Variants in MYT1L observed in about 807,000 individuals in gnomAD.
The protein encoded by MYT1L is myelin transcription factor 1-like protein.
A neutral mutation model predicts 126.7 loss-of-function variants in MYT1L; 12 were observed. That is an observed-to-expected ratio of 0.09 (90% CI 0.06 to 0.15). The LOEUF (loss-of-function observed/expected upper bound fraction) is 0.15, where lower values mean the gene tolerates loss of function less well. MYT1L is among the 10% of genes least tolerant of loss of function. The probability of loss-of-function intolerance (pLI) is 1.00; values close to 1 mark genes in which losing one functional copy is unlikely to be tolerated. For missense variants in MYT1L, 979 were observed against 1,585.2 expected, an observed-to-expected ratio of 0.62 and a Z score of 6.49; for synonymous variants, 541 against 604.2, an observed-to-expected ratio of 0.90 and a Z score of 1.53.
chr2:1,954,175 C>T (rs1284974626), intron 8 of MYT1L, among the ~76,000 whole-genome samples: 12 of 152,162 alleles, frequency 7.9e-5, no homozygotes, highest in Non-Finnish European at 8.8e-5. Context: ...CAGAGCTAGA[C>T]GTTCCACCCT....
chr2:2,071,410 G>A (rs773730136), intron 3 of MYT1L, among the ~76,000 whole-genome samples: 27 of 152,176 alleles, frequency 1.8e-4, no homozygotes, highest in Non-Finnish European at 3.2e-4. Flanking sequence ...GAAACAAAAT[G>A]TGACTCTGTA....
intron 19 of MYT1L, 61 bp from the exon 20 acceptor site, chr2:1,840,904 CTT>C (rs1224216473): frequency 0.014 from 10,185 of 736,558 alleles, no homozygotes; most frequent in Middle Eastern, 0.018. Flanking sequence ...AGCTTTCTTT[CTT>C]TTTTTTTTTT....
At position 1,944,842 on chromosome 2, in the gene MYT1L, T is replaced by A. The variant is rs568374039; in HGVS notation, c.153-1508A>T. On this transcript the variant is annotated intron_variant, in intron 8 of 24. Coordinates refer to ENST00000647738, the MANE Select transcript of MYT1L (RefSeq NM_001303052.2). ...AGACACTCAATAGGCATTTGCGGAA[T>A]GAAAGGATGAAGTGTGATAAATCCC... 5.3e-5 allele frequency among the ~76,000 whole-genome samples: 8 copies of A among 152,216 alleles called. No homozygotes were observed. In the East Asian group the frequency reaches 1.2e-3, roughly 22 times the overall value.
intron 2 of MYT1L, among the ~76,000 whole-genome samples, chr2:2,281,843 A>T (rs2095451540): frequency 6.6e-6 from 1 of 152,198 alleles, no homozygotes; most frequent in Non-Finnish European, 1.5e-5. Flanking sequence ...CAATCCAACA[A>T]TGGAATGAGT....
Position 2,059,785 on chromosome 2 carries a change from C to T in MYT1L, c.-303-5662G>A, listed in dbSNP as rs576079508. ...TGTTCTATAGATAAATAATTATAAA[C>T]GGATGACTGTCACTGAAAATGTGGT... On this transcript the variant is annotated intron_variant, in intron 3 of 24. Coordinates refer to ENST00000647738, the MANE Select transcript of MYT1L (RefSeq NM_001303052.2). This position sits in a 1 kb window ranked among gnomAD's most constrained non-coding sequence, Gnocchi z 4.7. Among the ~76,000 whole-genome samples the T allele has an allele frequency of 1.5e-4, 23 of 152,260 alleles. 1 individual carries two copies. The East Asian group carries it at 2.1e-3, about 14-fold the overall frequency.
chr2:2,200,571 C>T (rs572778966), intron 2 of MYT1L, among the ~76,000 whole-genome samples: 177 of 152,306 alleles, frequency 1.2e-3, no homozygotes, highest in African/African-American at 4.0e-3. Context: ...ATCCCCTCTG[C>T]AAAATCCCTG....
chr2:2,150,703 G>A (rs553953319), intron 3 of MYT1L, among the ~76,000 whole-genome samples: 1 of 152,086 alleles, frequency 6.6e-6, no homozygotes, highest in Non-Finnish European at 1.5e-5. Flanking sequence ...ATGGCTCAAC[G>A]CTTTAGGTCC....
chr2:2,076,370 C>G (rs1372386418), intron 3 of MYT1L, among the ~76,000 whole-genome samples: 1 of 152,188 alleles, frequency 6.6e-6, no homozygotes, highest in Non-Finnish European at 1.5e-5. Flanking sequence ...GCAACGCCTT[C>G]TCACATAGAT....
chr2:2,153,746 G>A (rs770698400), intron 3 of MYT1L, among the ~76,000 whole-genome samples: 19 of 152,178 alleles, frequency 1.2e-4, no homozygotes, highest in Non-Finnish European at 2.6e-4. Context: ...AGGCCGGCCT[G>A]AATAGAGGAA....
At chr2:2,183,154 T>A (rs1395231743) in intron 2 of MYT1L, among the ~76,000 whole-genome samples, 1 of 152,060 alleles carries the variant, frequency 6.6e-6, no homozygotes, top group Non-Finnish European at 1.5e-5. Flanking sequence ...GGATGGTAAG[T>A]CCTGGGGGAG....
chr2:2,316,126 G>A (rs896389802), intron 1 of MYT1L, among the ~76,000 whole-genome samples: 2 of 152,130 alleles, frequency 1.3e-5, no homozygotes, highest in Non-Finnish European at 2.9e-5. Context: ...TGAGATTCAG[G>A]CGTGGAGAGA....
At chr2:2,294,698 T>C (rs2095646577) in intron 1 of MYT1L, among the ~76,000 whole-genome samples, 1 of 152,194 alleles carries the variant, frequency 6.6e-6, no homozygotes, top group Non-Finnish European at 1.5e-5. Context: ...AAGTCACATG[T>C]AACTAGGAAT....
chr2:2,082,167 A>C lies in MYT1L; in HGVS notation c.-303-28044T>G, dbSNP rs111416116. The stretch of plus-strand genomic sequence containing the variant: ...CACCACACTACATACATATACAAAG[A>C]ACTTATGTGTGTATAGCATAAGACA... On this transcript the variant is annotated intron_variant, in intron 3 of 24. Transcript: ENST00000647738. Among the ~76,000 whole-genome samples the C allele has an allele frequency of 2.3e-3, 351 of 152,302 alleles. 1 individual carries two copies. The highest frequency in any genetic ancestry group is 7.3e-3 in the African/African-American group (303 of 41,564).
At chr2:1,906,570 T>A (rs1010881772) in intron 13 of MYT1L, among the ~76,000 whole-genome samples, 1 of 152,150 alleles carries the variant, frequency 6.6e-6, no homozygotes, top group Non-Finnish European at 1.5e-5. Flanking sequence ...TGGATATATA[T>A]CCAATTATAT....
At chr2:2,073,431 A>T (rs1336663601) in intron 3 of MYT1L, among the ~76,000 whole-genome samples, 1 of 152,096 alleles carries the variant, frequency 6.6e-6, no homozygotes, top group Non-Finnish European at 1.5e-5. Flanking sequence ...CCTGATGTTG[A>T]TCCTAATGGA....
At chr2:1,881,905 G>A (rs542233580) in intron 18 of MYT1L, among the ~76,000 whole-genome samples, 2 of 152,304 alleles carry the variant, frequency 1.3e-5, no homozygotes, top group South Asian at 2.1e-4. Context: ...GGCATGAAGC[G>A]TGGGGAAGAT....
chr2:1,903,132 G>A lies in MYT1L; in HGVS notation c.1980C>T (p.Ala660=). 6.2e-7 allele frequency: 1 copy of A among 1,614,006 alleles called. No homozygotes were observed. The highest frequency in any genetic ancestry group is 8.5e-7 in the Non-Finnish European group (1 of 1,179,906). ...SYDNHTYGKR[A]IAPKVQTRDI... is the part of the protein sequence containing the mutation. ...CCCTGGTTTGCACCTTGGGAGCTAT[G>A]GCTCGCTTGCCATAAGTATGGTTGT... is the stretch of plus-strand genomic sequence containing the variant. The change falls in exon 14 of 25, where the codon GCC becomes GCT. Residue 660 remains alanine, a synonymous_variant. Coordinates refer to ENST00000647738, the MANE Select transcript of MYT1L (RefSeq NM_001303052.2).
intron 3 of MYT1L, among the ~76,000 whole-genome samples, chr2:2,068,769 G>GTTTGTT (rs2074210117): frequency 7.6e-5 from 2 of 26,182 alleles, no homozygotes; most frequent in African/African-American, 2.2e-4. Context: ...TGTTCTTCTT[G>GTTTGTT]TTTTTTTTTT....
At chr2:2,312,546 G>A (rs1459176218) in intron 1 of MYT1L, among the ~76,000 whole-genome samples, 1 of 152,144 alleles carries the variant, frequency 6.6e-6, no homozygotes, top group Non-Finnish European at 1.5e-5. Context: ...GTGGGAGGAA[G>A]AGCTTGCAGT....
Sources: gnomAD v4.1 joint callset for allele counts (sites outside exome capture counted in the v4.1 genomes callset) on GRCh38, gnomAD v4.1.1 for gene constraint, Gnocchi (gnomAD v3.1) non-coding constraint, MANE v1.5 for transcripts, NCBI Gene and HGNC (gene_info 2026-07-23, HGNC 2026-07-21) for gene names.